CDH4: variants seen among roughly 807,000 people sequenced by gnomAD.
CDH4 encodes the protein cadherin-4.
CDH4 carries 33 observed loss-of-function variants against 86.0 expected under a neutral mutation model. The ratio of observed to expected loss-of-function variants is 0.38; its 90% CI spans 0.29 to 0.51. The LOEUF is 0.51. Among genes scored for constraint, CDH4 ranks in the 20% least tolerant of loss-of-function variants. The pLI, the probability that CDH4 is intolerant of heterozygous loss-of-function variation, is 0.86. For synonymous variants in CDH4, 555 were observed against 549.4 expected, an observed-to-expected ratio of 1.01 and a Z score of -0.14; for missense variants, 1,114 against 1,307.4, an observed-to-expected ratio of 0.85 and a Z score of 2.28.
At chr20:61,494,954 C>T (rs1318192839) in intron 2 of CDH4, among the ~76,000 whole-genome samples, 5 of 152,242 alleles carry the variant, frequency 3.3e-5, no homozygotes. Flanking sequence ...CGCCAGATGC[C>T]ATGCCCTGCA....
chr20:61,839,520 GTA>G (rs1267008453), intron 4 of CDH4, among the ~76,000 whole-genome samples: 9 of 116,400 alleles, frequency 7.7e-5, no homozygotes, highest in African/African-American at 2.3e-4. Context: ...TGTGTTGTGT[GTA>G]TGTGTGTTTG....
chr20:61,649,236 C>T (rs1051811144), intron 2 of CDH4, among the ~76,000 whole-genome samples: 2 of 152,166 alleles, frequency 1.3e-5, no homozygotes, highest in African/African-American at 2.4e-5. Context: ...CAGGGCCCCC[C>T]GAGCACGCAC....
intron 2 of CDH4, among the ~76,000 whole-genome samples, chr20:61,475,677 T>C: frequency 8.7e-6 from 1 of 114,960 alleles, no homozygotes; most frequent in Non-Finnish European, 1.7e-5. Flanking sequence ...TTCCTCTCTC[T>C]CTCCACCTCT....
chr20:61,525,760 C>T (rs1415679635), intron 2 of CDH4, among the ~76,000 whole-genome samples: 1 of 152,166 alleles, frequency 6.6e-6, no homozygotes, highest in African/African-American at 2.4e-5. Flanking sequence ...CGGTTCATGT[C>T]ACAGACCCCT....
At chr20:61,751,381 C>T (rs963031921) in intron 3 of CDH4, among the ~76,000 whole-genome samples, 7 of 152,154 alleles carry the variant, frequency 4.6e-5, no homozygotes, top group Non-Finnish European at 7.3e-5. Context: ...GCCATTAAAA[C>T]GGTGTCATTT....
At chr20:61,604,272 T>C (rs1286704611) in intron 2 of CDH4, among the ~76,000 whole-genome samples, 1 of 152,252 alleles carries the variant, frequency 6.6e-6, no homozygotes, top group Non-Finnish European at 1.5e-5. Context: ...GAGGCCGAGA[T>C]GCAAACTTCA....
intron 2 of CDH4, among the ~76,000 whole-genome samples, chr20:61,654,012 C>G (rs2087159034): frequency 6.6e-6 from 1 of 151,900 alleles, no homozygotes; most frequent in Admixed American, 6.6e-5. Flanking sequence ...TCCTCACTTC[C>G]CAGACAGGGT....
intron 2 of CDH4, among the ~76,000 whole-genome samples, chr20:61,412,425 G>T (rs544403681): frequency 2.0e-5 from 3 of 152,140 alleles, no homozygotes; most frequent in Admixed American, 2.0e-4. Context: ...CCAGAGTGCC[G>T]GAGGTTACAT....
chr20:61,860,692 T>C (rs1983283352), intron 6 of CDH4, among the ~76,000 whole-genome samples: 1 of 152,054 alleles, frequency 6.6e-6, no homozygotes, highest in Non-Finnish European at 1.5e-5. Flanking sequence ...TCACTGAAAA[T>C]GACAGTGACC....
intron 4 of CDH4, among the ~76,000 whole-genome samples, chr20:61,780,310 G>C (rs57300446): frequency 0.026 from 3,890 of 152,150 alleles, 163 homozygotes; most frequent in African/African-American, 0.088. Flanking sequence ...CCTCAGCCCG[G>C]CTACTCCCTA....
chr20:61,834,403 C>A (rs1438395403), intron 4 of CDH4, among the ~76,000 whole-genome samples: 1 of 152,180 alleles, frequency 6.6e-6, no homozygotes, highest in Non-Finnish European at 1.5e-5. Context: ...TGTGCTCCAG[C>A]CCAGGCAGGG....
intron 4 of CDH4, among the ~76,000 whole-genome samples, chr20:61,836,819 G>A (rs899693537): frequency 2.6e-5 from 4 of 152,214 alleles, no homozygotes; most frequent in Admixed American, 6.5e-5. Context: ...AGAATCTCAC[G>A]CTGGACGGGG....
chr20:61,417,112 G>A lies in CDH4; in HGVS notation c.169+162175G>A, dbSNP rs2095740993. Among the ~76,000 whole-genome samples the A allele has an allele frequency of 6.6e-6, 1 of 152,172 alleles. No individual in the cohort carries two copies. Among genetic ancestry groups the A allele is most frequent in the African/African-American group, 2.4e-5 (1 of 41,432 alleles). The stretch of plus-strand genomic sequence containing the variant: ...TAATATGTGGCCCGCAGAGCTGACT[G>A]TGGGTGCTTGGGATAAAACCCAGAT... On this transcript the variant is annotated intron_variant, in intron 2 of 15. Transcript: ENST00000614565. This position sits in a 1 kb window ranked among gnomAD's most constrained non-coding sequence, Gnocchi z 4.0.
chr20:61,598,821 C>T (rs1478656491), intron 2 of CDH4, among the ~76,000 whole-genome samples: 4 of 152,202 alleles, frequency 2.6e-5, no homozygotes, highest in East Asian at 1.9e-4. Flanking sequence ...GAAGTGTGGT[C>T]GGAGTACCCG....
chr20:61,793,537 G>A (rs182666433), intron 4 of CDH4, among the ~76,000 whole-genome samples: 22 of 152,126 alleles, frequency 1.4e-4, no homozygotes, highest in African/African-American at 5.3e-4. Context: ...TCATTTTCAG[G>A]ATCCCAGCAA....
chr20:61,692,211 ATGTATGTATGTGTGTATGTGTG>A (rs1391876096), intron 2 of CDH4, among the ~76,000 whole-genome samples: 1 of 136,798 alleles, frequency 7.3e-6, no homozygotes, highest in Admixed American at 7.2e-5. Flanking sequence ...GTGTATGTCT[ATGTATGTATGTGTGTATGTGTG>A]TGTATGTATG....
At chr20:61,769,747 C>T (rs780615010) in intron 3 of CDH4, among the ~76,000 whole-genome samples, 15 of 152,164 alleles carry the variant, frequency 9.9e-5, no homozygotes, top group Non-Finnish European at 1.9e-4. Flanking sequence ...TGGCCTGGAG[C>T]CTGGAACCTG....
chr20:61,653,338 T>A (rs1600842591), intron 2 of CDH4, among the ~76,000 whole-genome samples: 2 of 136,322 alleles, frequency 1.5e-5, no homozygotes, highest in South Asian at 4.7e-4. Context: ...GTCTACCTCT[T>A]TCTACACAGA....
chr20:61,383,106 TTATATATA>T (rs2084914329), intron 2 of CDH4, among the ~76,000 whole-genome samples: 1 of 94,450 alleles, frequency 1.1e-5, no homozygotes, highest in African/African-American at 4.7e-5. Flanking sequence ...TATGAATATA[TTATATATA>T]GAATATATAT....
Sources: allele counts gnomAD v4.1 joint callset (sites outside exome capture counted in the v4.1 genomes callset), GRCh38; gene constraint gnomAD v4.1.1; non-coding constraint Gnocchi (gnomAD v3.1); transcripts MANE v1.5; gene names NCBI Gene and HGNC (gene_info 2026-07-23, HGNC 2026-07-21).